Variants in TTC3 observed in about 807,000 individuals in gnomAD.
The protein encoded by TTC3 is E3 ubiquitin-protein ligase TTC3.
In TTC3, 180 loss-of-function variants were observed where a neutral mutation model predicts 249.6. The observed-to-expected ratio is 0.72, with a 90% CI of 0.64 to 0.82. The LOEUF is 0.82. Ranked by LOEUF, TTC3 falls within the 40% of genes least tolerant of loss-of-function variation. The pLI is 0.00. For synonymous variants in TTC3, 717 were observed against 805.0 expected (o/e 0.89, Z 1.85); for missense variants, 2,061 against 2,398.4 (o/e 0.86, Z 2.94).
chr21:37,166,310 C>T, exon 33 of TTC3: 1 of 1,614,162 alleles, frequency 6.2e-7, no homozygotes, highest in Non-Finnish European at 8.5e-7. Flanking sequence ...AAGATCAGTA[C>T]CAGTGGTGCC....
intron 1 of TTC3, among the ~76,000 whole-genome samples, chr21:37,075,577 G>A (rs1394700024): frequency 1.3e-5 from 2 of 152,232 alleles, no homozygotes; most frequent in East Asian, 1.9e-4. Flanking sequence ...TTTATGTTAT[G>A]AGACTTTACA....
At chr21:37,086,095 T>G (rs1345724983) in intron 1 of TTC3, 2 of 152,254 alleles carry the variant, frequency 1.3e-5, no homozygotes, top group Non-Finnish European at 2.9e-5. Context: ...ACAAATAGTT[T>G]GCTAGGAAGA....
exon 33 of TTC3, chr21:37,166,155 T>C (rs748597900): frequency 6.2e-7 from 1 of 1,614,146 alleles, no homozygotes; most frequent in South Asian, 1.1e-5. Flanking sequence ...TCCCATTTGG[T>C]CACAGGATAC....
intron 1 of TTC3, among the ~76,000 whole-genome samples, chr21:37,084,551 G>T (rs1268908538): frequency 6.6e-6 from 1 of 152,138 alleles, no homozygotes; most frequent in East Asian, 1.9e-4. Context: ...CATTTGATAT[G>T]CGAGGAAACA....
At chr21:37,073,354 G>T in exon 1 of TTC3, 9 of 917,060 alleles carry the variant, frequency 9.8e-6, no homozygotes, top group Non-Finnish European at 1.0e-5. Context: ...GCTCGCGGGC[G>T]GCGGGCCCGG....
chr21:37,128,967 T>C (rs2077253522), intron 15 of TTC3, 36 bp from the exon 16 acceptor site: 1 of 1,483,980 alleles, frequency 6.7e-7, no homozygotes, highest in African/African-American at 1.4e-5. Context: ...GATTTTTATG[T>C]ACAGATTTTA....
At chr21:37,076,985 G>A (rs1007549132) in intron 1 of TTC3, among the ~76,000 whole-genome samples, 4 of 152,048 alleles carry the variant, frequency 2.6e-5, no homozygotes, top group Non-Finnish European at 4.4e-5. Flanking sequence ...ACAGGCCACC[G>A]CGCCTGGCCT....
chr21:37,093,794 T>G (rs2073604852), intron 7 of TTC3, among the ~76,000 whole-genome samples: 1 of 152,156 alleles, frequency 6.6e-6, no homozygotes, highest in Admixed American at 6.5e-5. Flanking sequence ...AAGCAATAAC[T>G]GATGTTTTCT....
At chr21:37,178,717 T>TGA (rs991569262) in intron 35 of TTC3, among the ~76,000 whole-genome samples, 1 of 152,148 alleles carries the variant, frequency 6.6e-6, no homozygotes, top group Admixed American at 6.5e-5. Flanking sequence ...ACCAGCACTT[T>TGA]GAGAGACCAA....
At chr21:37,125,308 C>T (rs1189007661) in intron 14 of TTC3, among the ~76,000 whole-genome samples, 2 of 152,196 alleles carry the variant, frequency 1.3e-5, no homozygotes, top group African/African-American at 2.4e-5. Flanking sequence ...CTGTCCAAAT[C>T]GTACTTCTTT....
At chr21:37,094,354 G>A (rs976996270) in intron 8 of TTC3, among the ~76,000 whole-genome samples, 1 of 152,172 alleles carries the variant, frequency 6.6e-6, no homozygotes, top group Non-Finnish European at 1.5e-5. Flanking sequence ...TGTAATTCAT[G>A]TGCTACACTG....
chr21:37,090,598 A>G (rs1253648733), intron 6 of TTC3: 7 of 908,526 alleles, frequency 7.7e-6, no homozygotes, highest in Non-Finnish European at 9.2e-6. Flanking sequence ...TGGTATGAAT[A>G]TTTTTTGTTA....
At chr21:37,159,972 C>T (rs1276495914) in intron 29 of TTC3, among the ~76,000 whole-genome samples, 4 of 152,162 alleles carry the variant, frequency 2.6e-5, no homozygotes, top group African/African-American at 9.7e-5. Flanking sequence ...TAGACAATTT[C>T]TATAAAGTTT....
intron 32 of TTC3, among the ~76,000 whole-genome samples, chr21:37,164,785 AT>A (rs1405617184): frequency 1.3e-5 from 2 of 152,310 alleles, no homozygotes; most frequent in African/African-American, 4.8e-5. Flanking sequence ...GCTTTGTGTT[AT>A]TAGATAGTGC....
At chr21:37,110,590 C>T (rs1383760843) in intron 11 of TTC3, among the ~76,000 whole-genome samples, 5 of 152,134 alleles carry the variant, frequency 3.3e-5, no homozygotes, top group Non-Finnish European at 7.3e-5. Flanking sequence ...ATTGGTGTAC[C>T]TGAAAGTGAC....
intron 39 of TTC3, among the ~76,000 whole-genome samples, chr21:37,188,959 A>G (rs898663227): frequency 6.6e-6 from 1 of 152,238 alleles, no homozygotes; most frequent in Non-Finnish European, 1.5e-5. Flanking sequence ...GTCATGATTT[A>G]CCAAACACTG....
chr21:37,107,521 A>G (rs1340128676), intron 10 of TTC3, among the ~76,000 whole-genome samples: 6 of 152,188 alleles, frequency 3.9e-5, no homozygotes, highest in Non-Finnish European at 8.8e-5. Flanking sequence ...AGTACATTTA[A>G]TAATGTAGTA....
chr21:37,096,739 G>T, intron 10 of TTC3, 96 bp downstream of exon 10: 1 of 904,750 alleles, frequency 1.1e-6, no homozygotes, highest in South Asian at 1.5e-5. Flanking sequence ...GAAAATCCTT[G>T]ACTGGTTCTT....
intron 10 of TTC3, among the ~76,000 whole-genome samples, chr21:37,106,584 A>G (rs1330118976): frequency 1.3e-5 from 2 of 152,192 alleles, no homozygotes; most frequent in Non-Finnish European, 2.9e-5. Context: ...AGTGTGAGGT[A>G]GTGTTCAAGA....
Sources: gnomAD v4.1 joint callset for allele counts (sites outside exome capture counted in the v4.1 genomes callset) on GRCh38, gnomAD v4.1.1 for gene constraint, MANE v1.5 for transcripts, NCBI Gene and HGNC (gene_info 2026-07-23, HGNC 2026-07-21) for gene names.